ITPR1: variants seen among roughly 807,000 people sequenced by gnomAD.
ITPR1 encodes inositol 1,4,5-trisphosphate receptor type 1.
A neutral mutation model predicts 318.4 loss-of-function variants in ITPR1; 96 were observed. The observed-to-expected ratio is 0.30, with a 90% CI of 0.26 to 0.36. The LOEUF (loss-of-function observed/expected upper bound fraction) is 0.36. Among genes scored for constraint, ITPR1 ranks in the 10% least tolerant of loss-of-function variants. The pLI, the probability that ITPR1 is intolerant of heterozygous loss-of-function variation, is 1.00. For missense variants in ITPR1, 2,440 were observed against 3,460.2 expected, an observed-to-expected ratio of 0.71 and a Z score of 7.40; for synonymous variants, 1,312 against 1,289.9, an observed-to-expected ratio of 1.02 and a Z score of -0.37.
At chr3:4,727,685 C>A (rs2042617645) in intron 42 of ITPR1, among the ~76,000 whole-genome samples, 2 of 152,108 alleles carry the variant, frequency 1.3e-5, no homozygotes, top group South Asian at 4.1e-4. Context: ...AGAGATCCTC[C>A]TGCCTCAGCT....
intron 40 of ITPR1, among the ~76,000 whole-genome samples, chr3:4,719,561 C>T (rs2042001317): frequency 6.6e-6 from 1 of 152,352 alleles, no homozygotes. Context: ...GTTCCAAAGT[C>T]TAAATGTGGT....
At chr3:4,638,017 G>A (rs933976308) in intron 5 of ITPR1, among the ~76,000 whole-genome samples, 15 of 152,154 alleles carry the variant, frequency 9.9e-5, no homozygotes, top group African/African-American at 3.6e-4. Flanking sequence ...GGCTTGTATT[G>A]TCCCCATTTT....
intron 7 of ITPR1, 68 bp downstream of exon 7, chr3:4,642,319 T>A: frequency 7.9e-7 from 1 of 1,260,064 alleles, no homozygotes. Flanking sequence ...TATATTAGAG[T>A]TAAGGAGGAG....
intron 61 of ITPR1, among the ~76,000 whole-genome samples, chr3:4,839,997 C>T (rs1216220408): frequency 7.3e-6 from 1 of 137,592 alleles, no homozygotes; most frequent in East Asian, 2.2e-4. Flanking sequence ...TTTTAAGGTA[C>T]TCAGAATTAC....
At chr3:4,673,409 C>A (rs1405064350) in intron 21 of ITPR1, 22 bp downstream of exon 21, 5 of 1,583,998 alleles carry the variant, frequency 3.2e-6, no homozygotes, top group Non-Finnish European at 4.3e-6. Flanking sequence ...ACCTGAAAAC[C>A]TCACTTTACA....
At chr3:4,598,563 A>G (rs923136759) in intron 4 of ITPR1, among the ~76,000 whole-genome samples, 1 of 152,200 alleles carries the variant, frequency 6.6e-6, no homozygotes, top group Admixed American at 6.5e-5. Flanking sequence ...TTGAGGTTGC[A>G]GTGAGCCATG....
chr3:4,754,326 C>T (rs946170720), intron 44 of ITPR1, among the ~76,000 whole-genome samples: 1 of 152,194 alleles, frequency 6.6e-6, no homozygotes, highest in Non-Finnish European at 1.5e-5. Flanking sequence ...ACTGGACCCT[C>T]CTCCCGGGAA....
At position 4,735,276 on chromosome 3, in the gene ITPR1, C is replaced by T. The variant is rs113368815; in HGVS notation, c.5466C>T (p.Asn1822=). 2,206 of 1,613,884 alleles carry T rather than the reference C, an allele frequency of 1.4e-3. No homozygotes were observed. The highest frequency in any genetic ancestry group is 1.7e-3 in the Non-Finnish European group (2,049 of 1,179,802). The change falls in exon 44 of 62, where the codon AAC becomes AAT. Residue 1822 remains asparagine (N), a synonymous_variant. Transcript: ENST00000649015. ...ATCTAGTTATCGACCTCATCATGAACGCATCCAGTGACCGAGTGTTCCATG... is the reference window on the plus strand; with the variant it reads ...ATCTAGTTATCGACCTCATCATGAATGCATCCAGTGACCGAGTGTTCCATG... ...ASNLVIDLIM[N]ASSDRVFHES... is the part of the protein sequence containing the mutation.
rs538959471 is a variant in ITPR1, at chr3:4,509,068, G to A, written c.-16-7408G>A. Among the ~76,000 whole-genome samples, 37 of 152,362 alleles carry A rather than the reference G, an allele frequency of 2.4e-4. 1 individual carries two copies. In the South Asian group the frequency reaches 3.7e-3, roughly 15 times the overall value. The stretch of plus-strand genomic sequence containing the variant: ...CATTTCAGACTCATTCAGACATACA[G>A]AAAGTGAGCATAAAGGGCCAAGTAT... On this transcript the variant is annotated intron_variant, in intron 2 of 61. Transcript: ENST00000649015.
intron 4 of ITPR1, among the ~76,000 whole-genome samples, chr3:4,528,810 T>C (rs2083187358): frequency 6.6e-6 from 1 of 152,228 alleles, no homozygotes; most frequent in Non-Finnish European, 1.5e-5. Context: ...ACTTGTTCTG[T>C]ATTCACAAAA....
chr3:4,549,463 C>T (rs1300793551), intron 4 of ITPR1, among the ~76,000 whole-genome samples: 1 of 152,144 alleles, frequency 6.6e-6, no homozygotes, highest in African/African-American at 2.4e-5. Context: ...AAACATCAGC[C>T]CTTGAATTTG....
intron 44 of ITPR1, among the ~76,000 whole-genome samples, chr3:4,745,499 G>A (rs899886231): frequency 6.6e-6 from 1 of 152,154 alleles, no homozygotes; most frequent in African/African-American, 2.4e-5. Context: ...TTAATGCTGT[G>A]CTATTTCTGT....
chr3:4,543,440 TCAAAA>T (rs1013940230), intron 4 of ITPR1, among the ~76,000 whole-genome samples: 4 of 151,766 alleles, frequency 2.6e-5, no homozygotes, highest in Non-Finnish European at 4.4e-5. Flanking sequence ...CAAAAACAAA[TCAAAA>T]CAAAACAAAA....
At chr3:4,645,058 T>C (rs1020440680) in intron 8 of ITPR1, among the ~76,000 whole-genome samples, 40 of 152,184 alleles carry the variant, frequency 2.6e-4, no homozygotes, top group African/African-American at 9.4e-4. Flanking sequence ...ATTTTATAAG[T>C]ACTTATTTTC....
In ITPR1 at chr3:4,706,707, G is replaced by GA. The variant is rs1248087768; in HGVS notation, c.4842+358dup. ...TCACTCTGGGGTTATTTAGCCTCTT[G>GA]AATCAGCAGGTGAACAAGGGTGGTG... On this transcript the variant is annotated intron_variant, in intron 37 of 61. Transcript: ENST00000649015. 3.3e-5 allele frequency among the ~76,000 whole-genome samples: 5 copies of GA among 152,294 alleles called. No individual in the cohort carries two copies. The East Asian group carries it at 9.6e-4, about 29-fold the overall frequency.
At chr3:4,510,374 T>A (rs1431919983) in intron 2 of ITPR1, among the ~76,000 whole-genome samples, 4 of 152,160 alleles carry the variant, frequency 2.6e-5, no homozygotes, top group Non-Finnish European at 5.9e-5. Context: ...ATGCTGGATG[T>A]TGTATGCCGA....
intron 48 of ITPR1, 36 bp downstream of exon 48, chr3:4,777,410 G>A: frequency 1.5e-6 from 2 of 1,323,418 alleles, no homozygotes; most frequent in Non-Finnish European, 2.1e-6. Context: ...CAGTCATTTG[G>A]AAACAGTCAC....
intron 4 of ITPR1, among the ~76,000 whole-genome samples, chr3:4,529,312 T>C (rs1330586429): frequency 2.0e-5 from 3 of 152,368 alleles, no homozygotes; most frequent in East Asian, 1.9e-4. Context: ...TGTCCTCCAA[T>C]TGAATCACTG....
intron 10 of ITPR1, 79 bp from the exon 11 acceptor site, chr3:4,652,044 A>G (rs534892139): frequency 4.5e-6 from 5 of 1,098,920 alleles, no homozygotes; most frequent in Non-Finnish European, 6.8e-6. Flanking sequence ...CTCCTGAACT[A>G]TGACTTGTGA....
Sources: gnomAD v4.1 joint callset for allele counts (sites outside exome capture counted in the v4.1 genomes callset) on GRCh38, gnomAD v4.1.1 for gene constraint, MANE v1.5 for transcripts, NCBI Gene and HGNC (gene_info 2026-07-23, HGNC 2026-07-21) for gene names.